The following EYS variants were observed in gnomAD, a reference collection of about 807,000 sequenced individuals.
EYS encodes the protein EGF-like photoreceptor maintenance factor, also known as protein eyes shut homolog.
In EYS, 250 loss-of-function variants were observed where a neutral mutation model predicts 282.1. The ratio of observed to expected loss-of-function variants is 0.89; its 90% confidence interval spans 0.80 to 0.98. The LOEUF (loss-of-function observed/expected upper bound fraction) is 0.98. Among genes scored for constraint, EYS ranks in the 50% least tolerant of loss-of-function variants. The pLI is 0.00. For missense variants in EYS, 4,016 were observed against 3,709.0 expected (o/e 1.08, Z -2.15); for synonymous variants, 1,355 against 1,282.9 (o/e 1.06, Z -1.20).
chr6:64,493,933 G>A (rs1442873787), intron 26 of EYS, among the ~76,000 whole-genome samples: 2 of 151,506 alleles, frequency 1.3e-5, no homozygotes, highest in Non-Finnish European at 3.0e-5. Context: ...CTTGGGACCA[G>A]GATATACAGG....
At chr6:64,726,746 A>T (rs1237123734) in intron 22 of EYS, among the ~76,000 whole-genome samples, 2 of 152,184 alleles carry the variant, frequency 1.3e-5, no homozygotes, top group African/African-American at 2.4e-5. Context: ...TTATAGAAGG[A>T]TGTGCAAGAA....
intron 31 of EYS, among the ~76,000 whole-genome samples, chr6:64,102,234 T>C (rs946197623): frequency 1.3e-5 from 2 of 152,134 alleles, no homozygotes; most frequent in African/African-American, 4.8e-5. Context: ...AATATTAAGT[T>C]CCCAAGTATT....
At chr6:64,092,653 G>A (rs1772412294) in intron 31 of EYS, among the ~76,000 whole-genome samples, 1 of 152,032 alleles carries the variant, frequency 6.6e-6, no homozygotes, top group African/African-American at 2.4e-5. Context: ...CTGGATATTA[G>A]CCCTTTGTCA....
At chr6:65,124,643 A>G (rs1182224502) in intron 12 of EYS, among the ~76,000 whole-genome samples, 2 of 152,182 alleles carry the variant, frequency 1.3e-5, no homozygotes, top group African/African-American at 4.8e-5. Context: ...TTACATTAAC[A>G]GCTAAATGCA....
At chr6:64,348,734 T>G (rs1054709187) in intron 29 of EYS, among the ~76,000 whole-genome samples, 1 of 151,516 alleles carries the variant, frequency 6.6e-6, no homozygotes, top group Non-Finnish European at 1.5e-5. Flanking sequence ...TGAGGTATTT[T>G]TTCAAAGTCA....
intron 30 of EYS, among the ~76,000 whole-genome samples, chr6:64,296,804 AC>A (rs1262683488): frequency 2.6e-5 from 4 of 151,794 alleles, no homozygotes; most frequent in Non-Finnish European, 4.4e-5. Flanking sequence ...ACGGGGTTTC[AC>A]CACATTGGCC....
intron 29 of EYS, among the ~76,000 whole-genome samples, chr6:64,317,781 A>G (rs1770033158): frequency 6.6e-6 from 1 of 152,136 alleles, no homozygotes; most frequent in South Asian, 2.1e-4. Flanking sequence ...AACCAACCCA[A>G]ATGCCCATGA....
At chr6:63,733,932 C>G (rs1410382730) in intron 41 of EYS, among the ~76,000 whole-genome samples, 1 of 152,104 alleles carries the variant, frequency 6.6e-6, no homozygotes, top group Admixed American at 6.6e-5. Flanking sequence ...ATTTTCTACA[C>G]AAACATATTT....
intron 22 of EYS, among the ~76,000 whole-genome samples, chr6:64,711,607 C>T (rs1166037351): frequency 6.6e-6 from 1 of 152,180 alleles, no homozygotes; most frequent in Non-Finnish European, 1.5e-5. Context: ...CATTCTTACT[C>T]TGTCCAGTTT....
chr6:64,003,948 C>T (rs1234990764), intron 33 of EYS, among the ~76,000 whole-genome samples: 2 of 152,156 alleles, frequency 1.3e-5, no homozygotes, highest in Non-Finnish European at 2.9e-5. Context: ...CCTGAGGCCT[C>T]CCCAGCCATG....
At chr6:65,262,197 A>G (rs1032007372) in intron 12 of EYS, among the ~76,000 whole-genome samples, 7 of 152,068 alleles carry the variant, frequency 4.6e-5, no homozygotes, top group Non-Finnish European at 1.0e-4. Context: ...CTTTGATTCA[A>G]TTAGCCAGTG....
chr6:64,644,895 T>C (rs1276432992), intron 22 of EYS, among the ~76,000 whole-genome samples: 1 of 152,176 alleles, frequency 6.6e-6, no homozygotes, highest in Admixed American at 6.5e-5. Flanking sequence ...GAGAAATTTC[T>C]ATATGAGCCT....
chr6:64,296,388 A>T (rs1357689549), intron 30 of EYS, among the ~76,000 whole-genome samples: 1 of 151,920 alleles, frequency 6.6e-6, no homozygotes, highest in African/African-American at 2.4e-5. Flanking sequence ...TTGTTTTGGA[A>T]AAGTAAAACT....
chr6:65,162,817 G>T (rs536568949), intron 12 of EYS, among the ~76,000 whole-genome samples: 1 of 151,006 alleles, frequency 6.6e-6, no homozygotes, highest in Admixed American at 6.6e-5. Flanking sequence ...ACTTGAAAAT[G>T]TTTTGTTTTG....
chr6:65,268,229 T>A (rs1767809316), intron 12 of EYS, among the ~76,000 whole-genome samples: 1 of 152,030 alleles, frequency 6.6e-6, no homozygotes, highest in African/African-American at 2.4e-5. Flanking sequence ...AAATCTATCA[T>A]TAAAATTGAT....
chr6:64,794,088 T>A (rs915955603), intron 22 of EYS, among the ~76,000 whole-genome samples: 8 of 152,130 alleles, frequency 5.3e-5, no homozygotes, highest in African/African-American at 1.9e-4. Flanking sequence ...AGTGAAATCA[T>A]AAAATATTTG....
chr6:63,926,684 T>C (rs2149747530), intron 35 of EYS, among the ~76,000 whole-genome samples: 1 of 152,326 alleles, frequency 6.6e-6, no homozygotes, highest in East Asian at 1.9e-4. Context: ...TGGATGTCTA[T>C]GATAGTAATA....
chr6:64,041,580 T>A (rs1770393133), intron 33 of EYS, among the ~76,000 whole-genome samples: 1 of 152,170 alleles, frequency 6.6e-6, no homozygotes, highest in Non-Finnish European at 1.5e-5. Context: ...GCACTAAAAA[T>A]GATAAAGCAA....
chr6:65,181,750 C>T (rs932169832), intron 12 of EYS, among the ~76,000 whole-genome samples: 1 of 152,106 alleles, frequency 6.6e-6, no homozygotes, highest in Non-Finnish European at 1.5e-5. Context: ...TATAAAGACA[C>T]ATGCACACGT....
Sources: gnomAD v4.1 joint callset for allele counts (sites outside exome capture counted in the v4.1 genomes callset) on GRCh38, gnomAD v4.1.1 for gene constraint, MANE v1.5 for transcripts, NCBI Gene and HGNC (gene_info 2026-07-23, HGNC 2026-07-21) for gene names.